Variants in SPATS2L observed in about 807,000 individuals in gnomAD.
SPATS2L encodes the protein spermatogenesis associated serine rich 2 like.
A neutral mutation model predicts 59.6 loss-of-function variants in SPATS2L; 30 were observed. The ratio of observed to expected loss-of-function variants is 0.50; its 90% CI spans 0.38 to 0.68. SPATS2L has a LOEUF of 0.68. SPATS2L is among the 30% of genes least tolerant of loss of function. The probability of loss-of-function intolerance (pLI) is 0.00; values close to 1 mark genes in which losing one functional copy is unlikely to be tolerated. For missense variants in SPATS2L, 615 were observed against 700.0 expected (o/e 0.88, Z 1.37); for synonymous variants, 252 against 263.5 (o/e 0.96, Z 0.42).
chr2:200,334,468 A>C (rs1475744209), intron 2 of SPATS2L, among the ~76,000 whole-genome samples: 2 of 150,642 alleles, frequency 1.3e-5, no homozygotes, highest in Non-Finnish European at 3.0e-5. Flanking sequence ...TTGCCTGTTC[A>C]CTCTGATGGT....
chr2:200,381,606 A>G (rs753767923), intron 2 of SPATS2L, among the ~76,000 whole-genome samples: 6 of 152,206 alleles, frequency 3.9e-5, no homozygotes, highest in Non-Finnish European at 8.8e-5. Context: ...TCCAGAGGTA[A>G]TATATTGCAT....
intron 2 of SPATS2L, among the ~76,000 whole-genome samples, chr2:200,352,330 T>C (rs1386146120): frequency 8.6e-5 from 1 of 11,646 alleles, no homozygotes; most frequent in African/African-American, 1.1e-4. Context: ...TATATATATA[T>C]ATATATATAT....
intron 3 of SPATS2L, among the ~76,000 whole-genome samples, chr2:200,405,262 G>A (rs1452791119): frequency 6.6e-6 from 1 of 151,874 alleles, no homozygotes; most frequent in African/African-American, 2.4e-5. Flanking sequence ...TAAAGTTTGA[G>A]AAGCCACAAC....
intron 1 of SPATS2L, among the ~76,000 whole-genome samples, chr2:200,314,220 C>T (rs1192283506): frequency 2.6e-5 from 4 of 152,214 alleles, no homozygotes; most frequent in Non-Finnish European, 5.9e-5. Context: ...TGTTTTCTAT[C>T]TCAATGAATG....
intron 2 of SPATS2L, among the ~76,000 whole-genome samples, chr2:200,355,194 C>T (rs1297527717): frequency 6.6e-6 from 1 of 152,068 alleles, no homozygotes; most frequent in Non-Finnish European, 1.5e-5. Context: ...CTGTGGAGAC[C>T]GCCTGTGGAA....
chr2:200,423,730 A>T (rs2083408718), intron 6 of SPATS2L, among the ~76,000 whole-genome samples: 1 of 152,240 alleles, frequency 6.6e-6, no homozygotes, highest in African/African-American at 2.4e-5. Context: ...ATAGTGGAGC[A>T]TTTATCAAGC....
rs1482137074 is a variant in SPATS2L at position 200,388,617 on chromosome 2, C to G, written c.-22-606C>G. Among the ~76,000 whole-genome samples, 29 of 148,946 alleles carry G rather than the reference C, an allele frequency of 1.9e-4. No homozygotes were observed. The East Asian group carries it at 5.5e-3, about 28-fold the overall frequency. On this transcript the variant is annotated intron_variant, in intron 2 of 12. Coordinates refer to ENST00000409140, the MANE Select transcript of SPATS2L (RefSeq NM_001100423.2). ...AAAAAAAAAGGTTTTGAGATGCCCC[C>G]CCCCCACCCAGAAAAAGACTACAGG...
chr2:200,467,472 C>T (rs2086678156), intron 10 of SPATS2L, 73 bp downstream of exon 10: 1 of 1,039,726 alleles, frequency 9.6e-7, no homozygotes, highest in African/African-American at 1.6e-5. Context: ...TTTGCATCCA[C>T]AGAGTTCTGC....
intron 8 of SPATS2L, among the ~76,000 whole-genome samples, chr2:200,457,610 G>T (rs770076560): frequency 6.6e-6 from 1 of 152,236 alleles, no homozygotes; most frequent in Admixed American, 6.5e-5. Context: ...TCCAGTGACC[G>T]TAAGCCATGT....
intron 1 of SPATS2L, among the ~76,000 whole-genome samples, chr2:200,311,272 A>G (rs1424632420): frequency 6.6e-6 from 1 of 152,330 alleles, no homozygotes; most frequent in East Asian, 1.9e-4. Context: ...GCGTCTGTCA[A>G]GATTTTTTTT....
chr2:200,346,174 A>C (rs1421354256), intron 2 of SPATS2L, among the ~76,000 whole-genome samples: 1 of 152,230 alleles, frequency 6.6e-6, no homozygotes, highest in East Asian at 1.9e-4. Context: ...ATAAATGTAG[A>C]GGTAAATTAC....
intron 2 of SPATS2L, chr2:200,378,434 G>C (rs550640539): frequency 8.0e-6 from 8 of 994,606 alleles, no homozygotes; most frequent in Admixed American, 1.2e-4. Flanking sequence ...GGGAAAGGGG[G>C]CTGGCTGCCT....
At chr2:200,369,153 A>T (rs573613952) in intron 2 of SPATS2L, among the ~76,000 whole-genome samples, 53 of 151,308 alleles carry the variant, frequency 3.5e-4, no homozygotes, top group Admixed American at 1.4e-3. Context: ...ACATTCATTT[A>T]TTTTATTTAT....
chr2:200,353,282 G>A (rs1245233882), intron 2 of SPATS2L, among the ~76,000 whole-genome samples: 1 of 152,182 alleles, frequency 6.6e-6, no homozygotes, highest in Non-Finnish European at 1.5e-5. Context: ...CTTGATCGCT[G>A]CGTTGAAATT....
At chr2:200,336,623 G>T (rs567933547) in intron 2 of SPATS2L, among the ~76,000 whole-genome samples, 3 of 152,080 alleles carry the variant, frequency 2.0e-5, no homozygotes, top group Non-Finnish European at 4.4e-5. Context: ...AAACAGATGT[G>T]TACTGCTGTT....
chr2:200,382,355 G>A (rs1254879797), intron 2 of SPATS2L, among the ~76,000 whole-genome samples: 1 of 152,308 alleles, frequency 6.6e-6, no homozygotes, highest in African/African-American at 2.4e-5. Context: ...GATTATAGGA[G>A]TGAGCCATCT....
At chr2:200,455,504 G>C (rs2085772997) in intron 8 of SPATS2L, among the ~76,000 whole-genome samples, 1 of 152,182 alleles carries the variant, frequency 6.6e-6, no homozygotes, top group African/African-American at 2.4e-5. Flanking sequence ...TCTACCTAAT[G>C]TGCCTGGCCC....
At chr2:200,367,949 G>A (rs2081314629) in intron 2 of SPATS2L, among the ~76,000 whole-genome samples, 1 of 152,098 alleles carries the variant, frequency 6.6e-6, no homozygotes, top group South Asian at 2.1e-4. Context: ...ACTTAATTTG[G>A]TATTCAAAAC....
intron 3 of SPATS2L, among the ~76,000 whole-genome samples, chr2:200,407,761 C>T (rs1012044997): frequency 1.3e-5 from 2 of 152,166 alleles, no homozygotes; most frequent in East Asian, 3.8e-4. Flanking sequence ...CCATATTATG[C>T]TTAATGACAT....
Sources: gnomAD v4.1 joint callset for allele counts (sites outside exome capture counted in the v4.1 genomes callset) on GRCh38, gnomAD v4.1.1 for gene constraint, MANE v1.5 for transcripts, NCBI Gene and HGNC (gene_info 2026-07-23, HGNC 2026-07-21) for gene names.